Variants in SORCS3 observed in about 807,000 individuals in gnomAD.
SORCS3 encodes VPS10 domain-containing receptor SorCS3.
In SORCS3, 57 loss-of-function variants were observed where a neutral mutation model predicts 146.3. The ratio of observed to expected loss-of-function variants is 0.39; its 90% CI spans 0.31 to 0.49. SORCS3 has a LOEUF of 0.49. Ranked by LOEUF, SORCS3 falls within the 20% of genes least tolerant of loss-of-function variation. SORCS3 has a pLI of 0.92. For missense variants in SORCS3, 1,341 were observed against 1,575.5 expected (o/e 0.85, Z 2.52); for synonymous variants, 653 against 618.5 (o/e 1.06, Z -0.83).
rs1269413417 is a variant in SORCS3, at chr10:105,201,210, G to A, written c.2218G>A (p.Val740Met). ...CCTGGGCCGAGACCACTCAGGATCA[G>A]TGGTCTCAGAACCCTGTGTCTGTGC... ...CALGRDHSGSVVSEPCVCANW... is the reference protein window; with the variant it reads ...CALGRDHSGSMVSEPCVCANW... Residue 740 changes from valine to methionine, a missense_variant, in exon 16 of 27, where the codon GTG becomes ATG. Transcript: ENST00000369701. The A allele has an allele frequency of 3.7e-6, 6 of 1,611,620 alleles. No individual in the cohort carries two copies. In the South Asian group the frequency reaches 6.6e-5, roughly 18 times the overall value.
At chr10:104,876,759 C>CTCTT (rs1564703879) in intron 2 of SORCS3, among the ~76,000 whole-genome samples, 1 of 130,500 alleles carries the variant, frequency 7.7e-6, no homozygotes, top group South Asian at 2.5e-4. Flanking sequence ...TTCTTTCTTT[C>CTCTT]TCTTCCTTCC....
At chr10:105,125,679 C>CACACACACACACACA (rs370356129) in intron 7 of SORCS3, among the ~76,000 whole-genome samples, 16,005 of 144,390 alleles carry the variant, frequency 0.11, 1,013 homozygotes, top group Middle Eastern at 0.15. Flanking sequence ...CACTGAATAT[C>CACACACACACACACA]CACACACACA....
At chr10:104,653,319 T>G (rs1490689353) in intron 1 of SORCS3, among the ~76,000 whole-genome samples, 1 of 152,200 alleles carries the variant, frequency 6.6e-6, no homozygotes, top group Non-Finnish European at 1.5e-5. Flanking sequence ...ATATTCCAAC[T>G]TTTTAGTTGT....
chr10:104,975,006 G>C (rs556431522), intron 3 of SORCS3, among the ~76,000 whole-genome samples: 146 of 152,176 alleles, frequency 9.6e-4, no homozygotes, highest in Admixed American at 3.9e-3. Context: ...TTTTCTTTAA[G>C]AATGTCAAAT....
chr10:104,808,112 G>C (rs1052224579), intron 1 of SORCS3, among the ~76,000 whole-genome samples: 4 of 152,146 alleles, frequency 2.6e-5, no homozygotes, highest in South Asian at 2.1e-4. Flanking sequence ...GAATCTGGGT[G>C]GGGGGAGTGA....
intron 14 of SORCS3, among the ~76,000 whole-genome samples, chr10:105,197,541 A>G (rs186785241): frequency 2.0e-5 from 3 of 152,242 alleles, no homozygotes; most frequent in African/African-American, 4.8e-5. Context: ...AAAACAGGTT[A>G]TTGCCTCTTT....
At chr10:105,225,383 G>C (rs755384911) in intron 20 of SORCS3, among the ~76,000 whole-genome samples, 1 of 151,926 alleles carries the variant, frequency 6.6e-6, no homozygotes, top group African/African-American at 2.4e-5. Context: ...CCAAAAATAA[G>C]TTGATTACAC....
intron 7 of SORCS3, among the ~76,000 whole-genome samples, chr10:105,126,452 C>A (rs2055974773): frequency 6.6e-6 from 1 of 152,128 alleles, no homozygotes; most frequent in Admixed American, 6.6e-5. Flanking sequence ...CTTCCAAACT[C>A]AAATCCATCA....
At chr10:104,925,516 G>A (rs541631729) in intron 3 of SORCS3, among the ~76,000 whole-genome samples, 1 of 152,320 alleles carries the variant, frequency 6.6e-6, no homozygotes, top group Admixed American at 6.5e-5. Flanking sequence ...CCCTGATAGT[G>A]TGAATCCCAT....
chr10:104,955,031 T>C (rs966052247), intron 3 of SORCS3, among the ~76,000 whole-genome samples: 6 of 152,344 alleles, frequency 3.9e-5, no homozygotes, highest in African/African-American at 1.4e-4. Context: ...AATAATTAAC[T>C]ATTAACTAAA....
chr10:104,995,618 T>C (rs1347706757), intron 4 of SORCS3, among the ~76,000 whole-genome samples: 1 of 152,196 alleles, frequency 6.6e-6, no homozygotes, highest in Non-Finnish European at 1.5e-5. Flanking sequence ...CTTGTGTTCT[T>C]ACTATTGAAT....
At chr10:104,815,448 C>CAA (rs5787549) in intron 1 of SORCS3, among the ~76,000 whole-genome samples, 10,902 of 77,636 alleles carry the variant, frequency 0.14, 1,119 homozygotes, top group Middle Eastern at 0.19. Context: ...GACCCTGTCT[C>CAA]AAAAAAAAAA....
chr10:105,115,297 G>A (rs994539691), intron 7 of SORCS3, among the ~76,000 whole-genome samples: 4 of 152,154 alleles, frequency 2.6e-5, no homozygotes, highest in African/African-American at 4.8e-5. Flanking sequence ...GATCAAGGGA[G>A]ATAATAATGG....
intron 1 of SORCS3, among the ~76,000 whole-genome samples, chr10:104,798,961 G>A (rs995199731): frequency 2.6e-5 from 4 of 152,242 alleles, no homozygotes; most frequent in Admixed American, 2.0e-4. Flanking sequence ...ATCATCACTG[G>A]TCATTAGAGA....
chr10:105,031,316 A>C (rs1173336252), intron 4 of SORCS3, among the ~76,000 whole-genome samples: 3 of 117,988 alleles, frequency 2.5e-5, no homozygotes, highest in Admixed American at 1.6e-4. Context: ...ACAAACAAAC[A>C]ACACACACAC....
intron 20 of SORCS3, among the ~76,000 whole-genome samples, chr10:105,236,307 C>T (rs2056792710): frequency 1.3e-5 from 2 of 152,158 alleles, no homozygotes; most frequent in African/African-American, 4.8e-5. Context: ...GCACTCTCCC[C>T]AGTCCCAGAT....
At chr10:104,932,813 G>C (rs1482852925) in intron 3 of SORCS3, among the ~76,000 whole-genome samples, 1 of 152,144 alleles carries the variant, frequency 6.6e-6, no homozygotes, top group Non-Finnish European at 1.5e-5. Context: ...CTACCTCAGA[G>C]TCAAGAGTAG....
At chr10:105,171,753 C>T (rs2056361820) in intron 13 of SORCS3, among the ~76,000 whole-genome samples, 1 of 152,146 alleles carries the variant, frequency 6.6e-6, no homozygotes, top group African/African-American at 2.4e-5. Context: ...TTCTCAATGA[C>T]CACTGTAGCT....
rs1001064097 is a variant in SORCS3 at position 104,856,526 on chromosome 10, G to A, written c.695+13667G>A. Among the ~76,000 whole-genome samples the A allele has an allele frequency of 3.4e-5, 5 of 145,758 alleles. No homozygotes were observed. The South Asian group carries it at 1.1e-3, about 31-fold the overall frequency. On this transcript the variant is annotated intron_variant, in intron 2 of 26. Coordinates refer to ENST00000369701, the MANE Select transcript of SORCS3 (RefSeq NM_014978.3). ...TATATATAAATATATACATAGAAAT[G>A]TATGTATATATAAATATATACATAG...
Sources: gnomAD v4.1 joint callset for allele counts (sites outside exome capture counted in the v4.1 genomes callset) on GRCh38, gnomAD v4.1.1 for gene constraint, MANE v1.5 for transcripts, NCBI Gene and HGNC (gene_info 2026-07-23, HGNC 2026-07-21) for gene names.